EPHA6: variants seen among roughly 807,000 people sequenced by gnomAD.
EPHA6 encodes EPH receptor A6.
A neutral mutation model predicts 112.0 loss-of-function variants in EPHA6; 50 were observed. The observed-to-expected ratio is 0.45, with a 90% CI of 0.36 to 0.56. The LOEUF is 0.56. Ranked by LOEUF, EPHA6 falls within the 20% of genes least tolerant of loss-of-function variation. The pLI, the probability that EPHA6 is intolerant of heterozygous loss-of-function variation, is 0.00. For missense variants in EPHA6, 1,280 were observed against 1,417.4 expected, an observed-to-expected ratio of 0.90 and a Z score of 1.56; for synonymous variants, 529 against 490.7, an observed-to-expected ratio of 1.08 and a Z score of -1.03.
intron 4 of EPHA6, among the ~76,000 whole-genome samples, chr3:97,242,717 A>G (rs1298574347): frequency 4.6e-5 from 7 of 151,834 alleles, no homozygotes; most frequent in Non-Finnish European, 8.8e-5. Context: ...TCAAAACTTG[A>G]ATTTATTTCT....
chr3:97,462,101 T>C (rs1262871000), intron 7 of EPHA6, among the ~76,000 whole-genome samples: 1 of 152,180 alleles, frequency 6.6e-6, no homozygotes, highest in Non-Finnish European at 1.5e-5. Flanking sequence ...GTAAGTAAAT[T>C]CTGGTTCTGT....
At chr3:96,852,561 A>T (rs1210893186) in intron 1 of EPHA6, among the ~76,000 whole-genome samples, 2 of 151,574 alleles carry the variant, frequency 1.3e-5, no homozygotes, top group African/African-American at 4.9e-5. Flanking sequence ...TCAGAATTGT[A>T]CATAGTACAG....
chr3:96,911,651 T>C (rs1014662109), intron 2 of EPHA6, among the ~76,000 whole-genome samples: 2 of 152,046 alleles, frequency 1.3e-5, no homozygotes, highest in African/African-American at 4.8e-5. Flanking sequence ...TCTCATATTA[T>C]TACTTATAAC....
chr3:97,579,948 T>C (rs185872694), intron 11 of EPHA6, among the ~76,000 whole-genome samples: 99 of 152,294 alleles, frequency 6.5e-4, no homozygotes, highest in African/African-American at 2.3e-3. Flanking sequence ...AGCAGTAAAA[T>C]TGAATATAAT....
chr3:96,962,765 C>G (rs2041990562), intron 2 of EPHA6, among the ~76,000 whole-genome samples: 1 of 151,752 alleles, frequency 6.6e-6, no homozygotes, highest in Non-Finnish European at 1.5e-5. Flanking sequence ...CTCTAAGTGC[C>G]CTTTGAATCC....
intron 3 of EPHA6, among the ~76,000 whole-genome samples, chr3:97,041,510 C>A (rs902488629): frequency 1.3e-5 from 2 of 152,086 alleles, no homozygotes; most frequent in African/African-American, 4.8e-5. Flanking sequence ...CTTTCTATGA[C>A]TGCCTGCTCC....
In EPHA6 at chr3:96,814,769, C is replaced by A. The variant is rs2032618119; in HGVS notation, c.146C>A (p.Pro49His). Residue 49 changes from proline (P) to histidine (H), a missense_variant, in exon 1 of 18, where the codon CCC (proline) becomes CAC (histidine). Physicochemically the swap from Pro to His is moderately conservative, Grantham distance 77 (BLOSUM62 -2). Coordinates refer to ENST00000389672, the MANE Select transcript of EPHA6 (RefSeq NM_001080448.3). ...TCGCGCAGGGGGCGCCCCGGGACAC[C>A]CCCTGCGGGCCGGGTGGAGGAGGAA... is the stretch of plus-strand genomic sequence containing the variant. ...GTSRRGRPGT[P>H]PAGRVEEEEE... 1.2e-6 allele frequency: 2 copies of A among 1,602,004 alleles called. No individual in the cohort carries two copies. The highest frequency in any genetic ancestry group is 1.7e-6 in the Non-Finnish European group (2 of 1,173,320).
At chr3:97,171,342 A>G (rs547458486) in intron 3 of EPHA6, among the ~76,000 whole-genome samples, 1 of 152,250 alleles carries the variant, frequency 6.6e-6, no homozygotes, top group Non-Finnish European at 1.5e-5. Flanking sequence ...TTTTTGAATC[A>G]TGGAATAAGA....
chr3:97,465,520 C>G (rs1385388822), intron 7 of EPHA6, among the ~76,000 whole-genome samples: 2 of 152,014 alleles, frequency 1.3e-5, no homozygotes, highest in African/African-American at 4.8e-5. Context: ...CATTGAATCT[C>G]TCCAGAATTA....
intron 6 of EPHA6, among the ~76,000 whole-genome samples, chr3:97,443,922 G>C (rs886400693): frequency 6.6e-6 from 1 of 152,126 alleles, no homozygotes; most frequent in Non-Finnish European, 1.5e-5. Context: ...GGACATATTT[G>C]CTTAAATGGG....
chr3:97,055,869 C>T lies in EPHA6; in HGVS notation c.1114+67876C>T, dbSNP rs186027567. Among the ~76,000 whole-genome samples the T allele has an allele frequency of 9.2e-4, 140 of 152,118 alleles. No homozygotes were observed. The South Asian group carries it at 0.011, about 12-fold the overall frequency. On this transcript the variant is annotated intron_variant, in intron 3 of 17. Transcript: ENST00000389672. ...AAATATAGCAAAGGGCAAGCATAGG[C>T]ACTTTAGAAACTCAATTTTGCATTT...
At chr3:97,502,874 A>T (rs1185306338) in intron 10 of EPHA6, among the ~76,000 whole-genome samples, 1 of 141,658 alleles carries the variant, frequency 7.1e-6, no homozygotes, top group Non-Finnish European at 1.5e-5. Flanking sequence ...AACATAGTGG[A>T]TTATTATGCA....
At position 96,832,482 on chromosome 3, in the gene EPHA6, C is replaced by T. The variant is rs773467196; in HGVS notation, c.385+17474C>T. On this transcript the variant is annotated intron_variant, in intron 1 of 17. Coordinates refer to ENST00000389672, the MANE Select transcript of EPHA6 (RefSeq NM_001080448.3). ...AGACAGTAAGGAAATATGTAGGTGG[C>T]CTGAACTTCTAACCTTTCTTGTAAA... is the stretch of plus-strand genomic sequence containing the variant. Among the ~76,000 whole-genome samples the T allele has an allele frequency of 8.6e-5, 13 of 151,982 alleles. No individual in the cohort carries two copies. The East Asian group carries it at 1.9e-3, about 23-fold the overall frequency.
At chr3:96,821,785 T>G (rs1294342364) in intron 1 of EPHA6, among the ~76,000 whole-genome samples, 3 of 151,870 alleles carry the variant, frequency 2.0e-5, no homozygotes, top group Admixed American at 1.3e-4. Context: ...TTTTATTACA[T>G]TTTATTTTAA....
chr3:97,244,745 G>A (rs990168438), intron 5 of EPHA6: 4 of 162,724 alleles, frequency 2.5e-5, no homozygotes, highest in African/African-American at 9.6e-5. Context: ...ATATATTTGT[G>A]TTCCACTCTA....
chr3:97,742,112 T>C (rs148136540), intron 16 of EPHA6, among the ~76,000 whole-genome samples: 1 of 152,248 alleles, frequency 6.6e-6, no homozygotes, highest in East Asian at 1.9e-4. Context: ...GTAGATTGAA[T>C]TTTTCTGGTG....
rs532032904 is a variant in EPHA6 at position 97,623,824 on chromosome 3, G to C, written c.2574+12970G>C. Among the ~76,000 whole-genome samples the C allele has an allele frequency of 4.0e-5, 6 of 151,680 alleles. 1 individual carries two copies. The East Asian group carries it at 7.8e-4, about 20-fold the overall frequency. ...AAGCCATAGCAATCATACATGAAAA[G>C]GTTTATTTCTGGGCTCTCTAATCTA... On this transcript the variant is annotated intron_variant, in intron 13 of 17. Transcript: ENST00000389672.
At chr3:97,601,887 A>G (rs1440063385) in intron 12 of EPHA6, among the ~76,000 whole-genome samples, 1 of 152,018 alleles carries the variant, frequency 6.6e-6, no homozygotes, top group Admixed American at 6.6e-5. Context: ...TTTTCTTTTG[A>G]CAGTGAATGA....
intron 3 of EPHA6, among the ~76,000 whole-genome samples, chr3:97,048,005 TATC>T (rs2045568954): frequency 6.6e-6 from 1 of 152,204 alleles, no homozygotes; most frequent in Non-Finnish European, 1.5e-5. Context: ...CTCATAGAAA[TATC>T]ATGTTTTAGT....
Sources: gnomAD v4.1 joint callset for allele counts (sites outside exome capture counted in the v4.1 genomes callset) on GRCh38, gnomAD v4.1.1 for gene constraint, MANE v1.5 for transcripts, NCBI Gene and HGNC (gene_info 2026-07-23, HGNC 2026-07-21) for gene names.